The following TTC39C variants were observed in gnomAD, a reference collection of about 807,000 sequenced individuals.
The protein encoded by TTC39C is tetratricopeptide repeat domain 39C, also known as tetratricopeptide repeat protein 39C.
Under a neutral mutation model 76.3 loss-of-function variants are expected in TTC39C, and 33 were observed. The observed-to-expected ratio is 0.43, with a 90% CI of 0.33 to 0.58. TTC39C has a LOEUF of 0.58. TTC39C is among the 20% of genes least tolerant of loss of function. TTC39C has a pLI of 0.04. For missense variants in TTC39C, 595 were observed against 701.4 expected (o/e 0.85, Z 1.71); for synonymous variants, 254 against 260.6 (o/e 0.97, Z 0.24).
intron 4 of TTC39C, among the ~76,000 whole-genome samples, chr18:24,070,990 G>T (rs773302129): frequency 2.6e-5 from 4 of 151,974 alleles, no homozygotes; most frequent in Non-Finnish European, 4.4e-5. Context: ...GTGCAGTGGT[G>T]CGATCTTGGT....
At chr18:24,123,497 C>G (rs1411652068) in intron 8 of TTC39C, 1 of 184,270 alleles carries the variant, frequency 5.4e-6, no homozygotes, top group Non-Finnish European at 1.1e-5. Context: ...ACCTCTGCCT[C>G]CTAAGTTCAA....
At chr18:24,004,027 A>C (rs1048085875) in intron 1 of TTC39C, among the ~76,000 whole-genome samples, 6 of 152,208 alleles carry the variant, frequency 3.9e-5, no homozygotes, top group African/African-American at 1.4e-4. Context: ...CTGGGATTAC[A>C]GGGGTGAGCC....
At chr18:24,106,839 C>G (rs1214446994) in intron 6 of TTC39C, among the ~76,000 whole-genome samples, 1 of 152,156 alleles carries the variant, frequency 6.6e-6, no homozygotes, top group African/African-American at 2.4e-5. Context: ...TGCATGCCAC[C>G]ATGCCTGGCT....
At chr18:24,024,012 A>T (rs368158158) in intron 1 of TTC39C, among the ~76,000 whole-genome samples, 3,443 of 6,198 alleles carry the variant, frequency 0.56, 1,127 homozygotes, top group Non-Finnish European at 0.71. Context: ...ATATATATAT[A>T]TATATTTTTT....
At chr18:24,121,750 C>T (rs960867942) in intron 8 of TTC39C, among the ~76,000 whole-genome samples, 10 of 152,160 alleles carry the variant, frequency 6.6e-5, no homozygotes, top group Non-Finnish European at 1.5e-5. Context: ...CTGAGGAAGA[C>T]CTCAAGCTAG....
At chr18:24,113,774 A>G (rs141108831) in intron 6 of TTC39C, 172 of 683,912 alleles carry the variant, frequency 2.5e-4, no homozygotes, top group Admixed American at 5.8e-4. Flanking sequence ...GTGTTGGCAG[A>G]CCCTGAGTGA....
At chr18:24,040,713 A>G (rs1001222836) in intron 1 of TTC39C, among the ~76,000 whole-genome samples, 8 of 152,226 alleles carry the variant, frequency 5.3e-5, no homozygotes, top group African/African-American at 1.9e-4. Flanking sequence ...AGTATCCAAT[A>G]GGTGAAGGGC....
At chr18:24,126,331 C>G (rs12967609) in intron 10 of TTC39C, among the ~76,000 whole-genome samples, 50,042 of 151,506 alleles carry the variant, frequency 0.33, 8,318 homozygotes, top group Middle Eastern at 0.46. Context: ...AGATTTTTCT[C>G]CAGTTACTCT....
chr18:24,073,204 C>T (rs956709291), intron 4 of TTC39C, among the ~76,000 whole-genome samples: 1 of 152,218 alleles, frequency 6.6e-6, no homozygotes, highest in Non-Finnish European at 1.5e-5. Context: ...CTCTCCATTG[C>T]TGCTAGAGTA....
intron 4 of TTC39C, among the ~76,000 whole-genome samples, chr18:24,072,617 A>G (rs939646323): frequency 8.5e-5 from 13 of 152,218 alleles, no homozygotes; most frequent in Admixed American, 7.2e-4. Flanking sequence ...ACTTTTAAAA[A>G]AGCTTGTGTT....
chr18:24,024,034 G>C, intron 1 of TTC39C, among the ~76,000 whole-genome samples: 1 of 33,610 alleles, frequency 3.0e-5, no homozygotes, highest in Non-Finnish European at 6.9e-5. Context: ...TTTTTTTTGA[G>C]ACGGAGTCTC....
intron 1 of TTC39C, among the ~76,000 whole-genome samples, chr18:24,027,360 G>A (rs1407374491): frequency 6.6e-6 from 1 of 152,124 alleles, no homozygotes; most frequent in Admixed American, 6.5e-5. Context: ...TCACTGGCAA[G>A]GCTTTGAGTG....
chr18:24,074,134 A>G (rs1479533105), intron 4 of TTC39C, among the ~76,000 whole-genome samples: 1 of 152,252 alleles, frequency 6.6e-6, no homozygotes, highest in African/African-American at 2.4e-5. Flanking sequence ...CTAATTCAGC[A>G]GGATACTTCA....
chr18:24,036,581 A>G (rs542304007), intron 1 of TTC39C, among the ~76,000 whole-genome samples: 23 of 152,242 alleles, frequency 1.5e-4, no homozygotes, highest in African/African-American at 5.3e-4. Flanking sequence ...ACTTTGCTGA[A>G]TTTGTTTCTT....
chr18:24,072,840 G>A (rs2084258348), intron 4 of TTC39C, among the ~76,000 whole-genome samples: 1 of 152,158 alleles, frequency 6.6e-6, no homozygotes, highest in African/African-American at 2.4e-5. Context: ...TTTGAAGAGA[G>A]GGCCCATGTC....
intron 1 of TTC39C, among the ~76,000 whole-genome samples, chr18:24,045,913 A>ATT (rs1215323392): frequency 2.2e-3 from 93 of 41,376 alleles, no homozygotes; most frequent in African/African-American, 0.012. Context: ...ATATATATAT[A>ATT]TATATATATA....
intron 10 of TTC39C, among the ~76,000 whole-genome samples, chr18:24,126,793 G>A (rs533611326): frequency 3.9e-5 from 6 of 152,126 alleles, no homozygotes; most frequent in East Asian, 3.9e-4. Context: ...GATTACAGGC[G>A]TGTGCTACTG....
chr18:23,999,949 G>A (rs904031514), intron 1 of TTC39C, among the ~76,000 whole-genome samples: 1 of 152,230 alleles, frequency 6.6e-6, no homozygotes, highest in Non-Finnish European at 1.5e-5. Context: ...TTTATTGGGT[G>A]TACATGGGAG....
intron 6 of TTC39C, among the ~76,000 whole-genome samples, chr18:24,101,306 A>AAAG (rs2084670587): frequency 1.1e-4 from 1 of 8,972 alleles, no homozygotes; most frequent in Admixed American, 9.7e-4. Flanking sequence ...AATTTTTCAT[A>AAAG]AAAAAAAAAA....
Sources: gnomAD v4.1 joint callset for allele counts (sites outside exome capture counted in the v4.1 genomes callset) on GRCh38, gnomAD v4.1.1 for gene constraint, MANE v1.5 for transcripts, NCBI Gene and HGNC (gene_info 2026-07-23, HGNC 2026-07-21) for gene names.